The following TATDN3 variants were observed in gnomAD, a reference collection of about 807,000 sequenced individuals.
TATDN3 encodes TatD DNase domain containing 3.
Under a neutral mutation model 40.1 loss-of-function variants are expected in TATDN3, and 29 were observed. The observed-to-expected ratio is 0.72, with a 90% CI of 0.54 to 0.99. TATDN3 has a LOEUF of 0.99. Ranked by LOEUF, TATDN3 falls within the 50% of genes least tolerant of loss-of-function variation. TATDN3 has a pLI of 0.00. For synonymous variants in TATDN3, 105 were observed against 117.0 expected, an observed-to-expected ratio of 0.90 and a Z score of 0.66; for missense variants, 309 against 321.9, an observed-to-expected ratio of 0.96 and a Z score of 0.31.
intron 7 of TATDN3, among the ~76,000 whole-genome samples, chr1:212,805,017 A>C (rs1442148069): frequency 2.0e-5 from 3 of 152,196 alleles, no homozygotes; most frequent in East Asian, 3.8e-4. Flanking sequence ...GCTGGAATGC[A>C]GTGGCACAAT....
At chr1:212,796,757 A>G (rs1197737699) in intron 3 of TATDN3, 167 bp downstream of exon 3, 2 of 525,686 alleles carry the variant, frequency 3.8e-6, no homozygotes, top group Non-Finnish European at 6.5e-6. Context: ...TTTCTTTGAG[A>G]GATGGAGTCT....
Position 212,796,571 on chromosome 1 carries a change from AT to A in TATDN3, c.156del (p.Met53CysfsTer33). The A allele has an allele frequency of 6.3e-7, 1 of 1,578,528 alleles. No homozygotes were observed. The highest frequency in any genetic ancestry group is 1.2e-5 in the South Asian group (1 of 83,618). On this transcript the variant is annotated frameshift_variant, in exon 3 of 10. Coordinates refer to ENST00000366974, the MANE Select transcript of TATDN3 (RefSeq NM_001042552.3). LOFTEE classifies it high-confidence loss of function. ...CGAACATTCAGGAGAATTTGAAAAG[AT>A]TATGCAACTTTCAGAAAGGTGCTAC... is the stretch of plus-strand genomic sequence containing the variant. The part of the protein sequence containing the change: ...VAEHSGEFEK[I>X]MQLSERYNGF...
At position 212,806,765 on chromosome 1, in the gene TATDN3, T is replaced by TAA. The variant is rs1436999200; in HGVS notation, c.488-970_488-969insAA. Among the ~76,000 whole-genome samples the TAA allele has an allele frequency of 1.5e-3, 173 of 114,264 alleles. 20 individuals are homozygous for TAA. Among genetic ancestry groups the TAA allele is most frequent in the African/African-American group, 5.2e-3 (168 of 32,186 alleles). The allele number at this position is 114,264 out of a possible 152,430, so 75.0% of individuals were successfully genotyped here. A position where few individuals can be genotyped will look rare whatever the true frequency, so the allele number is the denominator to read the frequency against. On this transcript the variant is annotated intron_variant, in intron 7 of 9. Coordinates refer to ENST00000366974, the MANE Select transcript of TATDN3 (RefSeq NM_001042552.3). ...CTCTCTCCATATATATATATATATA[T>TAA]ATATATATATATATATATACACACA... is the stretch of plus-strand genomic sequence containing the variant.
At chr1:212,813,700 GTT>G (rs1435207672) in intron 9 of TATDN3, among the ~76,000 whole-genome samples, 2 of 143,810 alleles carry the variant, frequency 1.4e-5, no homozygotes, top group Non-Finnish European at 3.2e-5. Context: ...CTGGCTACTT[GTT>G]TTTGTTTTTG....
At chr1:212,792,030 C>T (rs918834878) in intron 1 of TATDN3, 43 bp downstream of exon 1, 53 of 1,588,450 alleles carry the variant, frequency 3.3e-5, no homozygotes, top group Non-Finnish European at 4.5e-5. Context: ...AGGGAGGCCC[C>T]CGTCCTTTCC....
rs115150941 is a variant in TATDN3 at position 212,796,564 on chromosome 1, T to A, written c.147T>A (p.Phe49Leu). ...CAGTTGCCGAACATTCAGGAGAATT[T>A]GAAAAGATTATGCAACTTTCAGAAA... is the stretch of plus-strand genomic sequence containing the variant. The part of the protein sequence containing the change: ...LVAVAEHSGE[F>L]EKIMQLSERY... Residue 49 changes from phenylalanine (F) to leucine (L), a missense_variant, in exon 3 of 10, where the codon TTT becomes TTA. By Grantham distance (22) the Phe-to-Leu change is conservative. Coordinates refer to ENST00000366974, the MANE Select transcript of TATDN3 (RefSeq NM_001042552.3). The A allele has an allele frequency of 6.8e-4, 1,075 of 1,570,464 alleles. 6 individuals are homozygous for A. The African/African-American group carries it at 0.014, about 20-fold the overall frequency.
At position 212,796,863 on chromosome 1, in the gene TATDN3, A is replaced by G. The variant is rs370065804; in HGVS notation, c.174-249A>G. On this transcript the variant is annotated intron_variant, in intron 3 of 9. Coordinates refer to ENST00000366974, the MANE Select transcript of TATDN3 (RefSeq NM_001042552.3). Reference sequence around the variant, plus strand: ...AGCAATTCTCTGCCTCAGCCTCCCAAGTAGCTGGGTCTAAAGCATGCACCA... The same window carrying G: ...AGCAATTCTCTGCCTCAGCCTCCCAGGTAGCTGGGTCTAAAGCATGCACCA... 8 of 471,974 alleles carry G rather than the reference A, an allele frequency of 1.7e-5. 1 individual carries two copies. The highest frequency in any genetic ancestry group is 1.2e-4 in the South Asian group (3 of 24,456). 29.2% of individuals were successfully genotyped at this position (471,974 alleles called of 1,614,324 possible). A position where few individuals can be genotyped will look rare whatever the true frequency, so the allele number is the denominator to read the frequency against.
intron 4 of TATDN3, among the ~76,000 whole-genome samples, chr1:212,799,256 A>G (rs1025924961): frequency 2.0e-5 from 3 of 152,302 alleles, no homozygotes; most frequent in Non-Finnish European, 1.5e-5. Context: ...AAGTACCAAG[A>G]CGTAATTTAT....
intron 9 of TATDN3, among the ~76,000 whole-genome samples, chr1:212,814,090 G>A (rs1378250177): frequency 6.6e-6 from 1 of 151,918 alleles, no homozygotes; most frequent in African/African-American, 2.4e-5. Context: ...TAAGTGCTAA[G>A]ATTACAGGTG....
rs1663174350 is a variant in TATDN3, at chr1:212,816,167, C to T, written c.*1011C>T. On this transcript the variant is annotated 3_prime_UTR_variant, in exon 10 of 10. Transcript: ENST00000366974. Reference sequence around the variant, plus strand: ...GATTTCTCTGTGAACAGTAATATTTCATATTTTTAAGTTTAAAAATGTTAG... The same window carrying T: ...GATTTCTCTGTGAACAGTAATATTTTATATTTTTAAGTTTAAAAATGTTAG... The T allele has an allele frequency of 6.6e-6, 1 of 152,148 alleles. No individual in the cohort carries two copies. The highest frequency in any genetic ancestry group is 6.6e-5 in the Admixed American group (1 of 15,262). 9.4% of individuals were successfully genotyped at this position (152,148 alleles called of 1,614,324 possible).
At chr1:212,798,941 GA>G (rs1661996502) in intron 4 of TATDN3, among the ~76,000 whole-genome samples, 1 of 152,230 alleles carries the variant, frequency 6.6e-6, no homozygotes, top group Non-Finnish European at 1.5e-5. Flanking sequence ...TAGGTGTTGT[GA>G]ATGCTGATTG....
At chr1:212,792,065 C>T in intron 1 of TATDN3, 78 bp downstream of exon 1, 1 of 1,454,670 alleles carries the variant, frequency 6.9e-7, no homozygotes, top group Non-Finnish European at 9.5e-7. Flanking sequence ...TGCTCTCCTC[C>T]CTTGGGACGA....
intron 5 of TATDN3, 62 bp downstream of exon 5, chr1:212,802,825 T>TA: frequency 8.7e-7 from 1 of 1,151,804 alleles, no homozygotes; most frequent in South Asian, 1.3e-5. Context: ...TATATGAAAA[T>TA]AATCTTTAGT....
rs772741669 is a variant in TATDN3 at position 212,791,962 on chromosome 1, A to C, written c.41A>C (p.His14Pro). The change falls in exon 1 of 10, where the codon CAC becomes CCC. Residue 14 changes from histidine to proline, a missense_variant. Transcript: ENST00000366974. ...AGVGLVDCHC[H>P]LSAPDFDRDL... ...GTAGGCTTGGTGGACTGTCACTGCC[A>C]CCTCTCCGCCCCGGACTTTGACCGC... The C allele has an allele frequency of 1.9e-6, 3 of 1,613,590 alleles. No individual in the cohort carries two copies. In the African/African-American group the frequency reaches 4.0e-5, roughly 22 times the overall value.
rs564155877 is a variant in TATDN3, at chr1:212,809,773, C to A, written c.600+1925C>A. 1.2e-3 allele frequency among the ~76,000 whole-genome samples: 176 copies of A among 152,148 alleles called. 2 individuals carry two copies. The highest frequency in any genetic ancestry group is 2.5e-4 in the Non-Finnish European group (17 of 68,008). ...GCACTGTGGCTCACACCTGTAATCC[C>A]AGCACTTTCGGAGGTCAAAGCAGGC... is the stretch of plus-strand genomic sequence containing the variant. On this transcript the variant is annotated intron_variant, in intron 8 of 9. Transcript: ENST00000366974.
intron 5 of TATDN3, among the ~76,000 whole-genome samples, chr1:212,803,801 T>C (rs1188246430): frequency 6.6e-6 from 1 of 151,728 alleles, no homozygotes. Context: ...CTTGGGAGGC[T>C]AAGGCGGGCT....
At chr1:212,802,533 A>G (rs1662232369) in intron 4 of TATDN3, among the ~76,000 whole-genome samples, 168 bp from the exon 5 acceptor site, 1 of 152,246 alleles carries the variant, frequency 6.6e-6, no homozygotes, top group Non-Finnish European at 1.5e-5. Context: ...ACTTACAGGT[A>G]GAGGTACTCA....
intron 8 of TATDN3, among the ~76,000 whole-genome samples, chr1:212,811,394 A>G (rs1228094906): frequency 6.6e-6 from 1 of 151,942 alleles, no homozygotes; most frequent in Non-Finnish European, 1.5e-5. Flanking sequence ...TGGCCTCCCA[A>G]AGTGCTGGAC....
At position 212,791,894 on chromosome 1, in the gene TATDN3, G is replaced by A. The variant is rs1010776617; in HGVS notation, c.-28G>A. On this transcript the variant is annotated 5_prime_UTR_variant, in exon 1 of 10. Transcript: ENST00000366974. ...CGTTCCGGCTCCGGCTCTGCTGGCC[G>A]GTCTAAAGCGGCAGCCGCCGGGGCG... 4 of 1,612,064 alleles carry A rather than the reference G, an allele frequency of 2.5e-6. No individual in the cohort carries two copies. The highest frequency in any genetic ancestry group is 1.7e-5 in the Admixed American group (1 of 59,814).
Sources: allele counts gnomAD v4.1 joint callset (sites outside exome capture counted in the v4.1 genomes callset), GRCh38; gene constraint gnomAD v4.1.1; transcripts MANE v1.5; gene names NCBI Gene and HGNC (gene_info 2026-07-23, HGNC 2026-07-21).